The following PTPN12 variants were observed in gnomAD, a reference collection of about 807,000 sequenced individuals.
PTPN12 encodes the protein protein tyrosine phosphatase non-receptor type 12, also known as tyrosine-protein phosphatase non-receptor type 12.
In PTPN12, 29 loss-of-function variants were observed where a neutral mutation model predicts 97.6. The observed-to-expected ratio is 0.30, with a 90% CI of 0.22 to 0.41. The LOEUF (loss-of-function observed/expected upper bound fraction) is 0.41. Among genes scored for constraint, PTPN12 ranks in the 10% least tolerant of loss-of-function variants. The pLI is 1.00. For synonymous variants in PTPN12, 327 were observed against 300.4 expected (o/e 1.09, Z -0.91); for missense variants, 819 against 926.0 (o/e 0.88, Z 1.50).
chr7:77,630,513 A>G (rs539293073), intron 13 of PTPN12, among the ~76,000 whole-genome samples: 2 of 152,326 alleles, frequency 1.3e-5, no homozygotes, highest in East Asian at 3.9e-4. Flanking sequence ...GCATATTACC[A>G]TACTCAACAA....
intron 6 of PTPN12, among the ~76,000 whole-genome samples, 166 bp from the exon 7 acceptor site, chr7:77,597,676 T>G (rs916695562): frequency 1.3e-5 from 2 of 152,244 alleles, no homozygotes; most frequent in African/African-American, 2.4e-5. Context: ...CTTCAAACAT[T>G]TCAAATGTTT....
chr7:77,625,520 TCTCACTCTCA>T (rs1176756035), intron 12 of PTPN12, among the ~76,000 whole-genome samples: 6 of 74,232 alleles, frequency 8.1e-5, no homozygotes, highest in East Asian at 4.6e-4. Flanking sequence ...TCTCTCTCTC[TCTCACTCTCA>T]CTCTCACTCG....
intron 9 of PTPN12, among the ~76,000 whole-genome samples, chr7:77,610,139 T>G (rs10237942): frequency 0.14 from 21,476 of 152,204 alleles, 1,609 homozygotes; most frequent in African/African-American, 0.18. Context: ...TAGTCGCAAT[T>G]CCATATACAC....
At chr7:77,538,446 G>A (rs1005277428) in intron 1 of PTPN12, among the ~76,000 whole-genome samples, 1 of 151,836 alleles carries the variant, frequency 6.6e-6, no homozygotes, top group Admixed American at 6.6e-5. Context: ...TCCGGGGTGG[G>A]GGTGGGGAAC....
chr7:77,615,208 C>T (rs371201562), intron 11 of PTPN12, among the ~76,000 whole-genome samples: 3 of 152,042 alleles, frequency 2.0e-5, no homozygotes, highest in East Asian at 1.9e-4. Context: ...TTTGTATTAT[C>T]GTCCTTTTAT....
In PTPN12 at chr7:77,556,729, C is replaced by T. The variant is rs375043162; in HGVS notation, c.100-14349C>T. On this transcript the variant is annotated intron_variant, in intron 1 of 17. Coordinates refer to ENST00000248594, the MANE Select transcript of PTPN12 (RefSeq NM_002835.4). ...CCTGTAGTCCCAGCTACTCGGGAGG[C>T]TGAGGCAGGAGAATCACTTGAACCC... 3.9e-4 allele frequency among the ~76,000 whole-genome samples: 60 copies of T among 152,136 alleles called. 1 individual carries two copies. The South Asian group carries it at 0.012, about 30-fold the overall frequency.
intron 12 of PTPN12, among the ~76,000 whole-genome samples, chr7:77,621,231 C>T (rs1584204195): frequency 6.6e-6 from 1 of 151,958 alleles, no homozygotes; most frequent in Non-Finnish European, 1.5e-5. Context: ...TCTTGTCCTG[C>T]TGGAAGGTAT....
At chr7:77,592,397 G>T in intron 6 of PTPN12, 141 bp downstream of exon 6, 1 of 614,072 alleles carries the variant, frequency 1.6e-6, no homozygotes, top group Non-Finnish European at 2.6e-6. Context: ...AAAAAATTTT[G>T]TTTATATACT....
chr7:77,565,619 TC>T (rs1695370874), intron 1 of PTPN12, among the ~76,000 whole-genome samples: 1 of 152,220 alleles, frequency 6.6e-6, no homozygotes, highest in Non-Finnish European at 1.5e-5. Context: ...AATGAACTGT[TC>T]CACTCTTTTA....
At chr7:77,635,375 G>A (rs1032988066) in intron 14 of PTPN12, among the ~76,000 whole-genome samples, 2 of 152,192 alleles carry the variant, frequency 1.3e-5, no homozygotes, top group African/African-American at 4.8e-5. Context: ...GCTCCAGTGA[G>A]CCGAGATCGC....
intron 1 of PTPN12, among the ~76,000 whole-genome samples, chr7:77,545,984 T>C (rs1332664998): frequency 6.6e-6 from 1 of 152,140 alleles, no homozygotes; most frequent in African/African-American, 2.4e-5. Context: ...CAGGCTGGAG[T>C]GCAGTGGCAC....
chr7:77,564,643 A>G (rs1406252174), intron 1 of PTPN12, among the ~76,000 whole-genome samples: 2 of 151,662 alleles, frequency 1.3e-5, no homozygotes, highest in Non-Finnish European at 2.9e-5. Context: ...TATTTACTAT[A>G]CAAAGTATAG....
chr7:77,581,731 TTTTA>T (rs1787521864), intron 3 of PTPN12, among the ~76,000 whole-genome samples: 1 of 152,238 alleles, frequency 6.6e-6, no homozygotes, highest in Non-Finnish European at 1.5e-5. Flanking sequence ...ACATTTTCTT[TTTTA>T]TTTCTTCTTT....
At chr7:77,604,209 C>CATTTTTTTTT (rs1554320981) in intron 8 of PTPN12, among the ~76,000 whole-genome samples, 3 of 52,786 alleles carry the variant, frequency 5.7e-5, no homozygotes. Flanking sequence ...TTTTTTCTTC[C>CATTTTTTTTT]TTTTTTTTTT....
chr7:77,626,605 A>C lies in PTPN12; in HGVS notation c.1026-100A>C, dbSNP rs747388316. ...AACTGCAGTTTTTATTCGCAACCAG[A>C]TTGTAATGGCTCTTAATATGCTACT... On this transcript the variant is annotated intron_variant, in intron 12 of 17. Transcript: ENST00000248594. 9.2e-6 allele frequency: 12 copies of C among 1,308,936 alleles called. No homozygotes were observed. The African/African-American group carries it at 1.8e-4, about 19-fold the overall frequency. 81.1% of individuals were successfully genotyped at this position (1,308,936 alleles called of 1,614,324 possible).
At chr7:77,603,367 GAA>G (rs1788248441) in intron 8 of PTPN12, among the ~76,000 whole-genome samples, 2 of 152,178 alleles carry the variant, frequency 1.3e-5, no homozygotes, top group Non-Finnish European at 2.9e-5. Context: ...TAAGGACTTA[GAA>G]AACACATCCA....
At chr7:77,611,692 G>A (rs757038166) in intron 11 of PTPN12, among the ~76,000 whole-genome samples, 10 of 152,130 alleles carry the variant, frequency 6.6e-5, no homozygotes, top group Non-Finnish European at 1.2e-4. Context: ...TGGTCTGCCC[G>A]CCTTGGCCTC....
At chr7:77,639,092 C>T (rs1039101063) in intron 17 of PTPN12, 127 bp from the exon 18 acceptor site, 22 of 782,882 alleles carry the variant, frequency 2.8e-5, no homozygotes, top group Non-Finnish European at 3.8e-5. Context: ...TTTTGTTTGG[C>T]TTAAATTCTA....
intron 13 of PTPN12, among the ~76,000 whole-genome samples, chr7:77,628,284 T>C (rs1170360251): frequency 2.0e-5 from 3 of 152,224 alleles, no homozygotes; most frequent in African/African-American, 4.8e-5. Context: ...TAAAGAATTA[T>C]TATTTTTTTA....
Sources: gnomAD v4.1 joint callset for allele counts (sites outside exome capture counted in the v4.1 genomes callset) on GRCh38, gnomAD v4.1.1 for gene constraint, MANE v1.5 for transcripts, NCBI Gene and HGNC (gene_info 2026-07-23, HGNC 2026-07-21) for gene names.